SH3BGRL2: variants seen among roughly 807,000 people sequenced by gnomAD.
SH3BGRL2 encodes the protein SH3 domain binding glutamate rich protein like 2.
A neutral mutation model predicts 14.8 loss-of-function variants in SH3BGRL2; 21 were observed. The ratio of observed to expected loss-of-function variants is 1.42; its 90% CI spans 1.01 to 2.05. The LOEUF (loss-of-function observed/expected upper bound fraction) is 2.05, where lower values mean the gene tolerates loss of function less well. Ranked by LOEUF, SH3BGRL2 falls within the 30% of genes most tolerant of loss-of-function variation. The pLI is 0.00. For synonymous variants in SH3BGRL2, 50 were observed against 47.8 expected, an observed-to-expected ratio of 1.05 and a Z score of -0.19; for missense variants, 147 against 130.8, an observed-to-expected ratio of 1.12 and a Z score of -0.61.
chr6:79,697,534 C>T (rs575294336), intron 3 of SH3BGRL2, among the ~76,000 whole-genome samples: 2 of 152,260 alleles, frequency 1.3e-5, no homozygotes, highest in South Asian at 4.1e-4. Flanking sequence ...AGGCAGGGAC[C>T]CTCAATAACA....
chr6:79,581,048 A>T, the SH3BGRL2 span, among the ~76,000 whole-genome samples: 28,143 of 152,122 alleles, frequency 0.19, 2,685 homozygotes, highest in South Asian at 0.22. Context: ...CAAGAAATGG[A>T]TAAATTCCTG....
the SH3BGRL2 span, among the ~76,000 whole-genome samples, chr6:79,546,104 A>G: frequency 6.6e-6 from 1 of 152,176 alleles, no homozygotes; most frequent in African/African-American, 2.4e-5. Context: ...CAGGGTAGCA[A>G]TTTCACGTGT....
intron 2 of SH3BGRL2, among the ~76,000 whole-genome samples, chr6:79,678,631 A>G (rs2812703): frequency 0.83 from 125,761 of 152,214 alleles, 52,076 homozygotes; most frequent in East Asian, 0.98. Flanking sequence ...CCTGTTTTCA[A>G]TTCTTTTAAT....
At chr6:79,613,766 C>A in the SH3BGRL2 span, among the ~76,000 whole-genome samples, 2 of 152,118 alleles carry the variant, frequency 1.3e-5, no homozygotes, top group African/African-American at 4.8e-5. Flanking sequence ...GCCACCATGC[C>A]TGGCTAATTT....
Position 79,700,737 on chromosome 6 carries a change from A to G in SH3BGRL2, c.*1228A>G, listed in dbSNP as rs1770438374. On this transcript the variant is annotated 3_prime_UTR_variant, in exon 4 of 4. Coordinates refer to ENST00000369838, the MANE Select transcript of SH3BGRL2 (RefSeq NM_031469.4). ...TGGAGTGGATGCTGATGAACATCGA[A>G]CATATCTACTTCATTAGAGCAGAGG... The G allele has an allele frequency of 6.6e-6, 1 of 152,194 alleles. No individual in the cohort carries two copies. The highest frequency in any genetic ancestry group is 6.5e-5 in the Admixed American group (1 of 15,280). The allele number at this position is 152,194 out of a possible 1,614,324, so 9.4% of individuals were successfully genotyped here. A position where few individuals can be genotyped will look rare whatever the true frequency, so the allele number is the denominator to read the frequency against.
the SH3BGRL2 span, chr6:79,552,676 C>A: frequency 6.6e-6 from 1 of 152,062 alleles, no homozygotes; most frequent in Non-Finnish European, 1.5e-5. Flanking sequence ...GGGCTTAGGA[C>A]TTTATTTTTA....
intron 2 of SH3BGRL2, among the ~76,000 whole-genome samples, chr6:79,677,193 C>T (rs1415910923): frequency 6.6e-6 from 1 of 152,218 alleles, no homozygotes. Flanking sequence ...CTGGTGTCAT[C>T]TGGTTGGTTA....
chr6:79,692,183 G>A (rs1351604736), intron 2 of SH3BGRL2, among the ~76,000 whole-genome samples: 2 of 152,098 alleles, frequency 1.3e-5, no homozygotes, highest in South Asian at 2.1e-4. Flanking sequence ...TATATCCTTC[G>A]CCCACTTTTT....
chr6:79,591,909 A>T, the SH3BGRL2 span, among the ~76,000 whole-genome samples: 2 of 152,206 alleles, frequency 1.3e-5, no homozygotes, highest in East Asian at 3.8e-4. Context: ...TTATATAATG[A>T]TGACGTTGAA....
At chr6:79,671,204 C>T (rs182710392) in intron 1 of SH3BGRL2, among the ~76,000 whole-genome samples, 218 of 152,270 alleles carry the variant, frequency 1.4e-3, no homozygotes, top group Admixed American at 2.2e-3. Flanking sequence ...CGGTGGCTCA[C>T]GCCTATAATC....
Position 79,648,797 on chromosome 6 carries a change from G to A in SH3BGRL2, c.45+17291G>A, listed in dbSNP as rs9448757. Among the ~76,000 whole-genome samples the A allele has an allele frequency of 6.2e-3, 943 of 152,236 alleles. 10 individuals carry two copies. Among genetic ancestry groups the A allele is most frequent in the African/African-American group, 0.021 (876 of 41,540 alleles). ...GTTTATGACCATGTCAAAGAGGAAC[G>A]GGATTAGAGTGTAGCTAGAAGTCTA... On this transcript the variant is annotated intron_variant, in intron 1 of 3. Coordinates refer to ENST00000369838, the MANE Select transcript of SH3BGRL2 (RefSeq NM_031469.4).
intron 2 of SH3BGRL2, among the ~76,000 whole-genome samples, chr6:79,675,371 T>C (rs1280121467): frequency 2.0e-5 from 3 of 152,146 alleles, no homozygotes; most frequent in Non-Finnish European, 4.4e-5. Context: ...TTTTTGTCAG[T>C]TTACTCTATG....
At chr6:79,572,259 CG>C in the SH3BGRL2 span, among the ~76,000 whole-genome samples, 23 of 152,140 alleles carry the variant, frequency 1.5e-4, no homozygotes, top group African/African-American at 5.1e-4. Context: ...CTGATGATAT[CG>C]TTGTATACAC....
chr6:79,590,424 G>GATTGATATATATATATATATAT, the SH3BGRL2 span, among the ~76,000 whole-genome samples: 7 of 66,684 alleles, frequency 1.0e-4, 1 homozygote, highest in African/African-American at 4.9e-4. Flanking sequence ...AAGAAAATGT[G>GATTGATATATATATATATATAT]ATATATATAT....
the SH3BGRL2 span, among the ~76,000 whole-genome samples, chr6:79,542,023 A>G: frequency 7.2e-5 from 11 of 152,058 alleles, no homozygotes; most frequent in African/African-American, 2.7e-4. Flanking sequence ...GGGACTTCCT[A>G]GAGAGTGTCT....
At chr6:79,579,983 G>C in the SH3BGRL2 span, among the ~76,000 whole-genome samples, 1 of 152,118 alleles carries the variant, frequency 6.6e-6, no homozygotes, top group Non-Finnish European at 1.5e-5. Context: ...GCAAAAAAAG[G>C]CAAGGGTTGC....
In SH3BGRL2 at chr6:79,703,185, G is replaced by C. The variant is rs566181864; in HGVS notation, c.*3676G>C. 59 of 152,286 alleles carry C rather than the reference G, an allele frequency of 3.9e-4. No individual in the cohort carries two copies. Among genetic ancestry groups the C allele is most frequent in the African/African-American group, 1.4e-3 (57 of 41,560 alleles). 9.4% of individuals were successfully genotyped at this position (152,286 alleles called of 1,614,324 possible). ...GCATGGATCAAGCCCCTAAAATGTG[G>C]TAAGTGTTGTCAGAGCAGGGCAATA... On this transcript the variant is annotated 3_prime_UTR_variant, in exon 4 of 4. Transcript: ENST00000369838.
At chr6:79,618,065 A>G in the SH3BGRL2 span, among the ~76,000 whole-genome samples, 1 of 152,244 alleles carries the variant, frequency 6.6e-6, no homozygotes, top group Non-Finnish European at 1.5e-5. Flanking sequence ...TTTCTAAATT[A>G]TAATTTCTTC....
At chr6:79,580,358 C>T in the SH3BGRL2 span, among the ~76,000 whole-genome samples, 39 of 152,172 alleles carry the variant, frequency 2.6e-4, no homozygotes, top group African/African-American at 9.4e-4. Flanking sequence ...AGCATCACAT[C>T]GCACCTACTC....
Sources: gnomAD v4.1 joint callset for allele counts (sites outside exome capture counted in the v4.1 genomes callset) on GRCh38, gnomAD v4.1.1 for gene constraint, MANE v1.5 for transcripts, NCBI Gene and HGNC (gene_info 2026-07-23, HGNC 2026-07-21) for gene names.